Variants in DOCK3 observed in about 807,000 individuals in gnomAD.
The protein encoded by DOCK3 is dedicator of cytokinesis protein 3.
In DOCK3, 60 loss-of-function variants were observed where a neutral mutation model predicts 265.6. The ratio of observed to expected loss-of-function variants is 0.23; its 90% CI spans 0.18 to 0.28. The LOEUF is 0.28. Among genes scored for constraint, DOCK3 ranks in the 10% least tolerant of loss-of-function variants. The pLI is 1.00. For synonymous variants in DOCK3, 881 were observed against 938.0 expected (o/e 0.94, Z 1.11); for missense variants, 1,981 against 2,594.3 (o/e 0.76, Z 5.14).
intron 7 of DOCK3, among the ~76,000 whole-genome samples, chr3:51,088,069 T>TA (rs2082496214): frequency 6.6e-6 from 1 of 152,108 alleles, no homozygotes; most frequent in Non-Finnish European, 1.5e-5. Context: ...TATTCTGCCA[T>TA]AAAAAGAATG....
intron 2 of DOCK3, among the ~76,000 whole-genome samples, chr3:50,827,026 A>G (rs1167285807): frequency 6.6e-6 from 1 of 152,178 alleles, no homozygotes; most frequent in Non-Finnish European, 1.5e-5. Context: ...GGAAGAAACT[A>G]ACACTAATAA....
intron 5 of DOCK3, among the ~76,000 whole-genome samples, chr3:51,021,599 T>C (rs2079594358): frequency 6.6e-6 from 1 of 152,136 alleles, no homozygotes; most frequent in Admixed American, 6.5e-5. Context: ...CTTAATAAGA[T>C]TCCTTCTAGA....
intron 5 of DOCK3, among the ~76,000 whole-genome samples, chr3:51,048,862 C>CA (rs762328354): frequency 0.072 from 9,196 of 128,272 alleles, 978 homozygotes; most frequent in African/African-American, 0.24. Flanking sequence ...GACTCCATCT[C>CA]AAAAAAAAAA....
intron 5 of DOCK3, among the ~76,000 whole-genome samples, chr3:50,935,070 T>C (rs1331202524): frequency 6.6e-6 from 1 of 152,074 alleles, no homozygotes; most frequent in Non-Finnish European, 1.5e-5. Flanking sequence ...CCTTCATATA[T>C]CCTGACCTGG....
At chr3:51,146,399 G>T in intron 9 of DOCK3, 150 bp from the exon 10 acceptor site, 1 of 694,888 alleles carries the variant, frequency 1.4e-6, no homozygotes, top group Middle Eastern at 2.7e-4. Flanking sequence ...AAAAAAGAGG[G>T]TGTCCTGCCA....
chr3:51,320,568 T>C (rs1395039949), intron 32 of DOCK3, among the ~76,000 whole-genome samples: 2 of 152,112 alleles, frequency 1.3e-5, no homozygotes, highest in Non-Finnish European at 2.9e-5. Context: ...CAAGCTAAGA[T>C]CCACTGGCTT....
chr3:51,207,151 A>G (rs1332814524), intron 12 of DOCK3, among the ~76,000 whole-genome samples: 1 of 152,090 alleles, frequency 6.6e-6, no homozygotes. Context: ...CAGAGCTGTG[A>G]AGGTCACAAA....
chr3:50,756,396 G>A (rs545892048), intron 1 of DOCK3, among the ~76,000 whole-genome samples: 3 of 152,114 alleles, frequency 2.0e-5, no homozygotes, highest in East Asian at 3.9e-4. Context: ...AGCGGGGAGC[G>A]GGGGCATGTA....
chr3:50,889,143 C>G (rs566000358), intron 3 of DOCK3, among the ~76,000 whole-genome samples: 4 of 148,990 alleles, frequency 2.7e-5, no homozygotes, highest in Non-Finnish European at 5.9e-5. Context: ...GTCATATAGG[C>G]TGGAGTATAG....
intron 1 of DOCK3, among the ~76,000 whole-genome samples, chr3:50,747,245 A>AGT (rs2039504760): frequency 1.3e-5 from 2 of 152,218 alleles, no homozygotes; most frequent in African/African-American, 4.8e-5. Flanking sequence ...GAGATCAGGT[A>AGT]GTGTTAGCTT....
At chr3:50,962,912 C>G (rs1041213554) in intron 5 of DOCK3, among the ~76,000 whole-genome samples, 2 of 152,186 alleles carry the variant, frequency 1.3e-5, no homozygotes, top group Non-Finnish European at 2.9e-5. Flanking sequence ...TTGGGCCAGG[C>G]GCAGTGGCTC....
At chr3:50,932,550 C>T (rs2051127150) in intron 4 of DOCK3, among the ~76,000 whole-genome samples, 1 of 152,166 alleles carries the variant, frequency 6.6e-6, no homozygotes, top group Non-Finnish European at 1.5e-5. Flanking sequence ...CCCGTGCTTT[C>T]AGTAACTTTT....
intron 22 of DOCK3, 136 bp from the exon 23 acceptor site, chr3:51,260,020 C>G: frequency 1.2e-6 from 1 of 828,824 alleles, no homozygotes; most frequent in East Asian, 2.9e-5. Context: ...AAGTACCTAT[C>G]TATCTCCATA....
intron 4 of DOCK3, among the ~76,000 whole-genome samples, chr3:50,890,833 T>C (rs536101093): frequency 6.6e-6 from 1 of 152,130 alleles, no homozygotes; most frequent in South Asian, 2.1e-4. Flanking sequence ...TGAGCCACTT[T>C]ATGAGGTAGA....
rs755140401 is a variant in DOCK3 at position 51,160,579 on chromosome 3, A to G, written c.914A>G (p.Lys305Arg). The change falls in exon 12 of 53, where the codon AAG becomes AGG. Residue 305 changes from lysine to arginine, a missense_variant. Lys to Arg is a conservative substitution (Grantham distance 26, BLOSUM62 2). This residue lies in a region of DOCK3 where 456 missense variants were observed against 539.0 expected (regional missense o/e 0.85). Transcript: ENST00000266037. The part of the protein sequence containing the change: ...RIGRMLLNDS[K>R]KGPPHLHYRR... ...GGCCGGATGCTCCTGAACGACTCAAAGAAAGGTCCTCCTCACCTGCACTAC... is the reference window on the plus strand; with the variant it reads ...GGCCGGATGCTCCTGAACGACTCAAGGAAAGGTCCTCCTCACCTGCACTAC... The G allele has an allele frequency of 6.2e-7, 1 of 1,612,316 alleles. No homozygotes were observed. Among genetic ancestry groups the G allele is most frequent in the Non-Finnish European group, 8.5e-7 (1 of 1,179,226 alleles).
rs536241076 is a variant in DOCK3, at chr3:50,924,120, C to A, written c.219-9861C>A. 7.9e-5 allele frequency among the ~76,000 whole-genome samples: 12 copies of A among 152,178 alleles called. No homozygotes were observed. The South Asian group carries it at 2.5e-3, about 32-fold the overall frequency. On this transcript the variant is annotated intron_variant, in intron 4 of 52. Coordinates refer to ENST00000266037, the MANE Select transcript of DOCK3 (RefSeq NM_004947.5). ...TATTGTTATCTGTGTATGCATGTTTCCCTTGAATTCTAAATTAGCAGAGCC... is the reference window on the plus strand; with the variant it reads ...TATTGTTATCTGTGTATGCATGTTTACCTTGAATTCTAAATTAGCAGAGCC...
intron 7 of DOCK3, among the ~76,000 whole-genome samples, chr3:51,080,513 T>C (rs1219260165): frequency 6.6e-6 from 1 of 152,220 alleles, no homozygotes; most frequent in Non-Finnish European, 1.5e-5. Flanking sequence ...AGCTGAAGTC[T>C]GGTTGACAAG....
chr3:51,350,627 T>TA lies in DOCK3; in HGVS notation c.4107+236dup, dbSNP rs2085913612. On this transcript the variant is annotated intron_variant, in intron 40 of 52. Coordinates refer to ENST00000266037, the MANE Select transcript of DOCK3 (RefSeq NM_004947.5). The stretch of plus-strand genomic sequence containing the variant: ...CAGGAATGTGTGAGGGTGGCTTTCT[T>TA]ACTAAATCAATGGAGTTTCTTCAGG... Among the ~76,000 whole-genome samples the TA allele has an allele frequency of 2.0e-5, 3 of 152,190 alleles. No individual in the cohort carries two copies. The South Asian group carries it at 6.2e-4, about 32-fold the overall frequency.
chr3:51,332,184 G>A (rs1307513120), intron 33 of DOCK3, among the ~76,000 whole-genome samples: 2 of 152,212 alleles, frequency 1.3e-5, no homozygotes, highest in Admixed American at 1.3e-4. Flanking sequence ...ACCTTAGAGA[G>A]CAAGGAATAG....
Sources: allele counts gnomAD v4.1 joint callset (sites outside exome capture counted in the v4.1 genomes callset), GRCh38; gene constraint gnomAD v4.1.1; regional missense constraint gnomAD v4.1.1; transcripts MANE v1.5; gene names NCBI Gene and HGNC (gene_info 2026-07-23, HGNC 2026-07-21).